The following CFAP299 variants were observed in gnomAD, a reference collection of about 807,000 sequenced individuals.
The protein encoded by CFAP299 is cilia and flagella associated protein 299, also known as cilia- and flagella-associated protein 299.
CFAP299 carries 21 observed loss-of-function variants against 27.0 expected under a neutral mutation model. The observed-to-expected ratio is 0.78, with a 90% CI of 0.55 to 1.12. CFAP299 has a LOEUF of 1.12. Ranked by LOEUF, CFAP299 falls within the 50% of genes most tolerant of loss-of-function variation. The probability of loss-of-function intolerance (pLI) is 0.00; values close to 1 mark genes in which losing one functional copy is unlikely to be tolerated. For synonymous variants in CFAP299, 104 were observed against 98.1 expected (o/e 1.06, Z -0.36); for missense variants, 310 against 276.6 (o/e 1.12, Z -0.86).
At chr4:80,386,700 A>C in intron 2 of CFAP299, 1 of 1,576,408 alleles carries the variant, frequency 6.3e-7, no homozygotes, top group African/African-American at 1.3e-5. Flanking sequence ...GACCTGCTGC[A>C]CAGGGCGCAT....
intron 3 of CFAP299, among the ~76,000 whole-genome samples, chr4:80,822,053 C>A (rs1035605005): frequency 5.3e-5 from 8 of 152,098 alleles, no homozygotes; most frequent in Admixed American, 1.3e-4. Flanking sequence ...CCCTTGTATC[C>A]CAAGCACTTG....
intron 5 of CFAP299, among the ~76,000 whole-genome samples, chr4:80,947,562 A>T (rs775986959): frequency 7.2e-5 from 11 of 152,094 alleles, no homozygotes; most frequent in Non-Finnish European, 1.3e-4. Context: ...CCTTTAAAGT[A>T]CCAGGCCCAG....
At chr4:80,360,017 T>G (rs998807717) in intron 1 of CFAP299, among the ~76,000 whole-genome samples, 3 of 152,182 alleles carry the variant, frequency 2.0e-5, no homozygotes, top group African/African-American at 4.8e-5. Context: ...TTTATCCTAT[T>G]TGATGACTTT....
chr4:80,903,604 T>C (rs141097645), intron 4 of CFAP299, among the ~76,000 whole-genome samples: 1 of 152,126 alleles, frequency 6.6e-6, no homozygotes, highest in Non-Finnish European at 1.5e-5. Context: ...TTTAGGGAGA[T>C]ATATATTGGC....
chr4:80,388,705 C>T, intron 2 of CFAP299: 2 of 774,686 alleles, frequency 2.6e-6, no homozygotes, highest in Non-Finnish European at 2.2e-6. Context: ...CCTTAAAGAT[C>T]ACCTGCACCA....
chr4:80,749,714 T>A lies in CFAP299; in HGVS notation c.334-120279T>A, dbSNP rs538116693. Reference sequence around the variant, plus strand: ...GGAAGCATCCAGCACGGGAGAAAGATGAAGACCGGAAGACTCAGTGAGTCT... The same window carrying A: ...GGAAGCATCCAGCACGGGAGAAAGAAGAAGACCGGAAGACTCAGTGAGTCT... On this transcript the variant is annotated intron_variant, in intron 3 of 5. Transcript: ENST00000358105. 3.3e-5 allele frequency among the ~76,000 whole-genome samples: 5 copies of A among 152,346 alleles called. No homozygotes were observed. In the South Asian group the frequency reaches 1.0e-3, roughly 32 times the overall value.
At chr4:80,332,226 C>T (rs1339031150), upstream of CFAP299, among the ~76,000 whole-genome samples, 1 of 152,082 alleles carries the variant, frequency 6.6e-6, no homozygotes, top group Non-Finnish European at 1.5e-5. Context: ...ATATGTTGGG[C>T]AGAAAGTGGA....
intron 2 of CFAP299, chr4:80,388,285 A>G (rs1725130297): frequency 1.4e-6 from 1 of 691,012 alleles, no homozygotes; most frequent in African/African-American, 1.8e-5. Flanking sequence ...TGAAGCCTGA[A>G]ATGGCAGACA....
At chr4:80,552,249 CAT>C (rs1223794537) in intron 2 of CFAP299, among the ~76,000 whole-genome samples, 9 of 152,108 alleles carry the variant, frequency 5.9e-5, no homozygotes, top group South Asian at 2.1e-4. Context: ...AAATGGGAAA[CAT>C]AGTACTAATC....
At chr4:80,595,989 C>T (rs560553457) in intron 3 of CFAP299, among the ~76,000 whole-genome samples, 25 of 152,188 alleles carry the variant, frequency 1.6e-4, no homozygotes, top group African/African-American at 5.8e-4. Flanking sequence ...ACCTATTAGT[C>T]TTTGTGAGAC....
At chr4:80,729,628 C>T (rs1371385335) in intron 3 of CFAP299, among the ~76,000 whole-genome samples, 1 of 115,440 alleles carries the variant, frequency 8.7e-6, no homozygotes, top group Non-Finnish European at 1.6e-5. Context: ...GAGACGGAGT[C>T]TCGCTCTGTC....
chr4:80,538,023 A>G (rs1035009511), intron 2 of CFAP299, among the ~76,000 whole-genome samples: 4 of 152,180 alleles, frequency 2.6e-5, no homozygotes, highest in Admixed American at 6.5e-5. Flanking sequence ...ATCATCTTTC[A>G]GCCAATGATG....
At chr4:80,442,741 A>C (rs1728420095) in intron 2 of CFAP299, among the ~76,000 whole-genome samples, 2 of 152,210 alleles carry the variant, frequency 1.3e-5, no homozygotes, top group Admixed American at 1.3e-4. Flanking sequence ...AAAATCAATG[A>C]ATCCAGGAGC....
intron 2 of CFAP299, among the ~76,000 whole-genome samples, chr4:80,547,796 A>T (rs1734313473): frequency 6.6e-6 from 1 of 152,234 alleles, no homozygotes; most frequent in African/African-American, 2.4e-5. Context: ...ATCATTAATC[A>T]TTAGAGAAAT....
intron 2 of CFAP299, among the ~76,000 whole-genome samples, chr4:80,466,986 T>C (rs965079206): frequency 1.3e-5 from 2 of 152,208 alleles, no homozygotes; most frequent in African/African-American, 4.8e-5. Flanking sequence ...CAATTTTACA[T>C]AGTAGAATTT....
intron 4 of CFAP299, chr4:80,870,342 G>C: frequency 8.1e-7 from 1 of 1,229,288 alleles, no homozygotes; most frequent in Non-Finnish European, 1.0e-6. Context: ...GGATTCTTCA[G>C]AGACAAGATA....
intron 2 of CFAP299, among the ~76,000 whole-genome samples, chr4:80,504,500 TATATA>T (rs1560598398): frequency 4.4e-4 from 57 of 130,862 alleles, no homozygotes; most frequent in South Asian, 7.3e-4. Context: ...TATATATATA[TATATA>T]TTTTCCTTTG....
At chr4:80,865,858 G>C (rs978858180) in intron 3 of CFAP299, among the ~76,000 whole-genome samples, 1 of 132,618 alleles carries the variant, frequency 7.5e-6, no homozygotes, top group African/African-American at 2.8e-5. Context: ...TCACAGGTGG[G>C]AATTGAACAA....
intron 2 of CFAP299, among the ~76,000 whole-genome samples, chr4:80,432,538 T>G (rs562241491): frequency 5.2e-4 from 76 of 147,464 alleles, no homozygotes; most frequent in African/African-American, 1.7e-3. Context: ...ACTCTATTTT[T>G]TTTTTTTTTT....
Sources: gnomAD v4.1 joint callset for allele counts (sites outside exome capture counted in the v4.1 genomes callset) on GRCh38, gnomAD v4.1.1 for gene constraint, MANE v1.5 for transcripts, NCBI Gene and HGNC (gene_info 2026-07-23, HGNC 2026-07-21) for gene names.